SGCD: variants seen among roughly 807,000 people sequenced by gnomAD.
The protein encoded by SGCD is delta-sarcoglycan.
SGCD carries 18 observed loss-of-function variants against 36.6 expected under a neutral mutation model. The ratio of observed to expected loss-of-function variants is 0.49; its 90% CI spans 0.34 to 0.73. The LOEUF (loss-of-function observed/expected upper bound fraction) is 0.73. Among genes scored for constraint, SGCD ranks in the 30% least tolerant of loss-of-function variants. The pLI is 0.01. For missense variants in SGCD, 387 were observed against 346.7 expected (o/e 1.12, Z -0.92); for synonymous variants, 133 against 130.6 (o/e 1.02, Z -0.12).
the SGCD span, among the ~76,000 whole-genome samples, chr5:155,801,652 G>T: frequency 1.3e-4 from 20 of 152,256 alleles, no homozygotes; most frequent in African/African-American, 4.8e-4. Flanking sequence ...TAGAAAACTT[G>T]CTCAGTTCCT....
At chr5:155,896,278 C>A (rs1402290218) in intron 1 of SGCD, among the ~76,000 whole-genome samples, 1 of 152,054 alleles carries the variant, frequency 6.6e-6, no homozygotes, top group African/African-American at 2.4e-5. Flanking sequence ...TTAACTTGAA[C>A]ACTTTAGCCT....
intron 3 of SGCD, among the ~76,000 whole-genome samples, chr5:156,217,979 A>C (rs1475005311): frequency 6.6e-6 from 1 of 152,212 alleles, no homozygotes; most frequent in Non-Finnish European, 1.5e-5. Context: ...TAGACTTATT[A>C]AAATGATGTT....
chr5:155,956,152 C>T (rs1471992204), intron 1 of SGCD, among the ~76,000 whole-genome samples: 9 of 149,088 alleles, frequency 6.0e-5, no homozygotes, highest in Non-Finnish European at 8.9e-5. Flanking sequence ...GTCACAGCTT[C>T]CAAGTTCTCT....
At chr5:155,743,073 C>T in the SGCD span, among the ~76,000 whole-genome samples, 1 of 152,124 alleles carries the variant, frequency 6.6e-6, no homozygotes, top group Non-Finnish European at 1.5e-5. Flanking sequence ...ATCCTGAAGC[C>T]CTCTGAACCT....
intron 4 of SGCD, among the ~76,000 whole-genome samples, chr5:156,568,562 G>T (rs1335985898): frequency 6.6e-6 from 1 of 152,152 alleles, no homozygotes; most frequent in Non-Finnish European, 1.5e-5. Context: ...CTAGTGACTG[G>T]CTAGCAAGTC....
intron 1 of SGCD, among the ~76,000 whole-genome samples, chr5:155,964,500 G>T (rs932102563): frequency 7.2e-5 from 11 of 151,876 alleles, no homozygotes; most frequent in Non-Finnish European, 1.5e-5. Context: ...CACCTTGCCT[G>T]GCTAATTTTC....
intron 7 of SGCD, among the ~76,000 whole-genome samples, chr5:156,721,181 T>G (rs941321383): frequency 6.6e-6 from 1 of 152,074 alleles, no homozygotes; most frequent in Non-Finnish European, 1.5e-5. Context: ...GTGTTAAGTT[T>G]GAGATGTTTT....
intron 1 of SGCD, among the ~76,000 whole-genome samples, chr5:156,087,605 A>C (rs1246570178): frequency 1.4e-5 from 2 of 144,270 alleles, no homozygotes; most frequent in Non-Finnish European, 3.0e-5. Context: ...GAGCCATTGC[A>C]CTCCAGCCTG....
chr5:156,275,925 C>T (rs528661897), intron 3 of SGCD, among the ~76,000 whole-genome samples: 4 of 152,138 alleles, frequency 2.6e-5, no homozygotes, highest in South Asian at 2.1e-4. Context: ...TCCATGTGCC[C>T]GGCCCTGTCC....
At position 155,980,587 on chromosome 5, in the gene SGCD, C is replaced by CAAAAAAAA. The variant is rs70981994; in HGVS notation, c.-282+110206_-282+110213dup. ...TCGGTGACAGAGCAAGACTCCCTAT[C>CAAAAAAAA]AAAAAAAAAAAAAAAAAAAAAAAAA... On this transcript the variant is annotated intron_variant, in intron 1 of 9. Transcript: ENST00000517913. 4.2e-5 allele frequency among the ~76,000 whole-genome samples: 2 copies of CAAAAAAAA among 47,218 alleles called. 1 individual carries two copies. Among genetic ancestry groups the CAAAAAAAA allele is most frequent in the Non-Finnish European group, 7.2e-5 (2 of 27,858 alleles). The allele number at this position is 47,218 out of a possible 152,430, so 31.0% of individuals were successfully genotyped here. A position where few individuals can be genotyped will look rare whatever the true frequency, so the allele number is the denominator to read the frequency against.
At chr5:156,528,433 C>G (rs1757733955) in intron 4 of SGCD, among the ~76,000 whole-genome samples, 1 of 152,022 alleles carries the variant, frequency 6.6e-6, no homozygotes, top group African/African-American at 2.4e-5. Flanking sequence ...AGTTTCTAGA[C>G]TAGTTCCTGT....
chr5:155,763,942 A>T, the SGCD span, among the ~76,000 whole-genome samples: 3 of 136,522 alleles, frequency 2.2e-5, no homozygotes, highest in East Asian at 7.3e-4. Context: ...GACAAACAAG[A>T]ATTCTTCTAG....
intron 3 of SGCD, among the ~76,000 whole-genome samples, chr5:156,382,609 T>C (rs1433959073): frequency 1.3e-5 from 2 of 152,170 alleles, no homozygotes; most frequent in Non-Finnish European, 2.9e-5. Context: ...GTAATAAAAA[T>C]CAGGGACACG....
chr5:156,703,129 T>G (rs1316596823), intron 7 of SGCD, among the ~76,000 whole-genome samples: 1 of 152,182 alleles, frequency 6.6e-6, no homozygotes, highest in East Asian at 1.9e-4. Context: ...CCGCCAGTAA[T>G]AAAGTCCCTT....
At chr5:156,565,447 T>C (rs1028076497) in intron 4 of SGCD, among the ~76,000 whole-genome samples, 3 of 152,194 alleles carry the variant, frequency 2.0e-5, no homozygotes, top group Admixed American at 6.5e-5. Flanking sequence ...GTCCTACACA[T>C]GCCTATTGAC....
rs142191687 is a variant in SGCD, at chr5:156,700,551, G to A, written c.575+53015G>A. On this transcript the variant is annotated intron_variant, in intron 7 of 8. Transcript: ENST00000337851. ...ATCTCATTCCTTTGCACCTATTCAAGGATGTTATTTCAACAGGCACCTACT... is the reference window on the plus strand; with the variant it reads ...ATCTCATTCCTTTGCACCTATTCAAAGATGTTATTTCAACAGGCACCTACT... Among the ~76,000 whole-genome samples the A allele has an allele frequency of 3.3e-5, 5 of 152,134 alleles. No individual in the cohort carries two copies. The East Asian group carries it at 9.7e-4, about 29-fold the overall frequency.
intron 1 of SGCD, among the ~76,000 whole-genome samples, chr5:156,025,139 C>T (rs1561686632): frequency 6.6e-6 from 1 of 152,080 alleles, no homozygotes; most frequent in Non-Finnish European, 1.5e-5. Context: ...TCCAGAGCAA[C>T]TGGTTTCCGT....
the SGCD span, among the ~76,000 whole-genome samples, chr5:155,808,086 T>G: frequency 1.3e-5 from 2 of 152,116 alleles, no homozygotes; most frequent in Admixed American, 6.5e-5. Context: ...CCTGTAGGAG[T>G]TCTGAGGGTT....
chr5:156,328,407 T>C (rs926609681), intron 1 of SGCD, among the ~76,000 whole-genome samples: 3 of 152,230 alleles, frequency 2.0e-5, no homozygotes, highest in Admixed American at 6.5e-5. Flanking sequence ...TCTTGGATAC[T>C]TCTTGAGTAG....
Sources: gnomAD v4.1 joint callset for allele counts (sites outside exome capture counted in the v4.1 genomes callset) on GRCh38, gnomAD v4.1.1 for gene constraint, MANE v1.5 for transcripts, NCBI Gene and HGNC (gene_info 2026-07-23, HGNC 2026-07-21) for gene names.